SEMA3D: variants seen among roughly 807,000 people sequenced by gnomAD.
The protein encoded by SEMA3D is semaphorin 3D.
SEMA3D carries 84 observed loss-of-function variants against 100.1 expected under a neutral mutation model. The observed-to-expected ratio is 0.84, with a 90% confidence interval of 0.70 to 1.01. SEMA3D has a LOEUF of 1.01. SEMA3D is among the 50% of genes least tolerant of loss of function. The pLI, the probability that SEMA3D is intolerant of heterozygous loss-of-function variation, is 0.00. For missense variants in SEMA3D, 875 were observed against 934.1 expected (o/e 0.94, Z 0.82); for synonymous variants, 312 against 320.7 (o/e 0.97, Z 0.29).
At chr7:85,246,375 C>G in the SEMA3D span, among the ~76,000 whole-genome samples, 1 of 151,938 alleles carries the variant, frequency 6.6e-6, no homozygotes, top group Non-Finnish European at 1.5e-5. Context: ...TCATAACTTT[C>G]CAAAAGTTGT....
At chr7:85,213,885 G>A in the SEMA3D span, among the ~76,000 whole-genome samples, 1 of 152,000 alleles carries the variant, frequency 6.6e-6, no homozygotes, top group Non-Finnish European at 1.5e-5. Context: ...TTCTAGATGT[G>A]GCTCTCTTTG....
chr7:85,014,656 T>C (rs1480122712), intron 16 of SEMA3D, among the ~76,000 whole-genome samples: 2 of 151,778 alleles, frequency 1.3e-5, no homozygotes, highest in Non-Finnish European at 2.9e-5. Flanking sequence ...CAATCTGTGC[T>C]TGTACAATCA....
intron 14 of SEMA3D, among the ~76,000 whole-genome samples, chr7:85,019,099 T>A (rs1790184563): frequency 6.6e-6 from 1 of 151,804 alleles, no homozygotes; most frequent in African/African-American, 2.4e-5. Flanking sequence ...TATCAAATTA[T>A]ATACATACAA....
chr7:85,143,756 C>G (rs374562225), intron 2 of SEMA3D, among the ~76,000 whole-genome samples: 16 of 149,304 alleles, frequency 1.1e-4, no homozygotes, highest in East Asian at 9.8e-4. Flanking sequence ...GAGTCTTGCT[C>G]TATCACCCAG....
chr7:85,018,271 A>G lies in SEMA3D; in HGVS notation c.1526T>C (p.Met509Thr), dbSNP rs750279416. 5.0e-6 allele frequency: 8 copies of G among 1,596,232 alleles called. No homozygotes were observed. In the Admixed American group the frequency reaches 6.7e-5, roughly 13 times the overall value. ...IFKHSSIILN[M>T]ELSLKQQQLY... Reference sequence around the variant, plus strand: ...AAGTACCTGCTTCAGAGACAATTCCATGTTCAAGATGATTGATGAGTGCTG... The same window carrying G: ...AAGTACCTGCTTCAGAGACAATTCCGTGTTCAAGATGATTGATGAGTGCTG... Residue 509 changes from methionine (M) to threonine (T), a missense_variant, in exon 15 of 19, where the codon ATG becomes ACG. Coordinates refer to ENST00000284136, the MANE Select transcript of SEMA3D (RefSeq NM_001384900.1).
At chr7:85,069,957 A>T (rs1057118293) in intron 6 of SEMA3D, among the ~76,000 whole-genome samples, 1 of 152,204 alleles carries the variant, frequency 6.6e-6, no homozygotes, top group Admixed American at 6.5e-5. Context: ...CTAGAAATGG[A>T]TGAATGTTAA....
At position 84,996,507 on chromosome 7, in the gene SEMA3D, A is replaced by T. The variant is rs1159116244; in HGVS notation, c.*2933T>A. 2.0e-5 allele frequency: 3 copies of T among 152,086 alleles called. No homozygotes were observed. The highest frequency in any genetic ancestry group is 4.4e-5 in the Non-Finnish European group (3 of 67,898). 9.4% of individuals were successfully genotyped at this position (152,086 alleles called of 1,614,324 possible). A position where few individuals can be genotyped will look rare whatever the true frequency, so the allele number is the denominator to read the frequency against. On this transcript the variant is annotated 3_prime_UTR_variant, in exon 19 of 19. Coordinates refer to ENST00000284136, the MANE Select transcript of SEMA3D (RefSeq NM_001384900.1). ...TTAAGTAATTTGGTTGGTTTCCAAA[A>T]GTCAATAATGTGGATGTAGTGTTTT...
At chr7:85,122,067 T>C (rs1052715789) in intron 2 of SEMA3D, 136 bp from the exon 3 acceptor site, 3 of 520,632 alleles carry the variant, frequency 5.8e-6, no homozygotes, top group African/African-American at 2.0e-5. Context: ...GAGGGGAACA[T>C]AGCATACCAG....
intron 2 of SEMA3D, among the ~76,000 whole-genome samples, chr7:85,149,802 AG>A: frequency 6.6e-6 from 1 of 152,294 alleles, no homozygotes. Flanking sequence ...ACTATGTGCA[AG>A]ACACTCTGGA....
rs1174537471 is a variant in SEMA3D, at chr7:85,050,078, CA to C, written c.861+5638del. Among the ~76,000 whole-genome samples, 3 of 56,840 alleles carry C rather than the reference CA, an allele frequency of 5.3e-5. No individual in the cohort carries two copies. The Admixed American group carries it at 6.4e-4, about 12-fold the overall frequency. 37.3% of individuals were successfully genotyped at this position (56,840 alleles called of 152,430 possible). On this transcript the variant is annotated intron_variant, in intron 9 of 18. Transcript: ENST00000284136. ...AAGGTGGGTCTTGAAGGGAAACACA[CA>C]CACACACACACACACACACACACAC...
At chr7:85,048,846 T>C (rs1005334955) in intron 9 of SEMA3D, among the ~76,000 whole-genome samples, 5 of 151,874 alleles carry the variant, frequency 3.3e-5, no homozygotes, top group Admixed American at 1.3e-4. Context: ...GAAACAACTG[T>C]GTAACATAGA....
the SEMA3D span, among the ~76,000 whole-genome samples, chr7:85,196,244 T>C: frequency 6.6e-6 from 1 of 151,978 alleles, no homozygotes; most frequent in Non-Finnish European, 1.5e-5. Context: ...GTAATACAAA[T>C]ATAATAAAAG....
chr7:85,223,864 C>A, the SEMA3D span, among the ~76,000 whole-genome samples: 1 of 151,622 alleles, frequency 6.6e-6, no homozygotes, highest in African/African-American at 2.4e-5. Context: ...CACTAATGAA[C>A]TTATCCGTGT....
the SEMA3D span, among the ~76,000 whole-genome samples, chr7:85,243,060 T>A: frequency 6.6e-6 from 1 of 152,152 alleles, no homozygotes; most frequent in African/African-American, 2.4e-5. Context: ...CAACCAGTTC[T>A]GCTTCAGTCC....
chr7:85,099,449 A>C (rs1409655064), intron 3 of SEMA3D, among the ~76,000 whole-genome samples: 9 of 151,914 alleles, frequency 5.9e-5, no homozygotes, highest in Non-Finnish European at 1.3e-4. Context: ...AGTCCATTAT[A>C]CTTCATTTTC....
chr7:85,022,488 C>G lies in SEMA3D; in HGVS notation c.1317G>C (p.Thr439=). The change falls in exon 13 of 19, where the codon ACG becomes ACC. Residue 439 remains threonine, a synonymous_variant. Transcript: ENST00000284136. ...TGTAATCCACATTGATTCTCTTGAA[C>G]GTTGGTCCTCCTGCAACTGGGTATA... ...KSVYPVAGGP[T]FKRINVDYRL... is the part of the protein sequence containing the mutation. The G allele has an allele frequency of 6.2e-7, 1 of 1,612,494 alleles. No individual in the cohort carries two copies. Among genetic ancestry groups the G allele is most frequent in the Non-Finnish European group, 8.5e-7 (1 of 1,178,914 alleles).
At position 85,100,895 on chromosome 7, in the gene SEMA3D, T is replaced by G. The variant is rs190953521; in HGVS notation, c.152-2930A>C. ...CAAATGAGCGTGACTTTACTGAACA[T>G]AAATGTCTTACTAACATTTATGGAT... On this transcript the variant is annotated intron_variant, in intron 3 of 18. Coordinates refer to ENST00000284136, the MANE Select transcript of SEMA3D (RefSeq NM_001384900.1). Among the ~76,000 whole-genome samples the G allele has an allele frequency of 2.8e-3, 423 of 152,066 alleles. 1 individual carries two copies. Among genetic ancestry groups the G allele is most frequent in the Non-Finnish European group, 4.7e-3 (318 of 67,892 alleles).
intron 17 of SEMA3D, among the ~76,000 whole-genome samples, chr7:85,007,874 C>T (rs1243947599): frequency 4.6e-5 from 7 of 151,792 alleles, no homozygotes; most frequent in Admixed American, 2.6e-4. Flanking sequence ...TACAAATGAG[C>T]AGCAAATGGC....
At chr7:85,172,503 G>A (rs1053083185) in intron 1 of SEMA3D, among the ~76,000 whole-genome samples, 7 of 151,954 alleles carry the variant, frequency 4.6e-5, no homozygotes, top group Non-Finnish European at 1.0e-4. Context: ...TGTATTCTGA[G>A]GAATGACCAA....
Sources: gnomAD v4.1 joint callset for allele counts (sites outside exome capture counted in the v4.1 genomes callset) on GRCh38, gnomAD v4.1.1 for gene constraint, MANE v1.5 for transcripts, NCBI Gene and HGNC (gene_info 2026-07-23, HGNC 2026-07-21) for gene names.